The following ZFHX4 variants were observed in gnomAD, a reference collection of about 807,000 sequenced individuals.
The protein encoded by ZFHX4 is zinc finger homeobox protein 4.
Under a neutral mutation model 267.6 loss-of-function variants are expected in ZFHX4, and 56 were observed. The observed-to-expected ratio is 0.21, with a 90% confidence interval of 0.17 to 0.26. The LOEUF is 0.26. Ranked by LOEUF, ZFHX4 falls within the 10% of genes least tolerant of loss-of-function variation. ZFHX4 has a pLI of 1.00. For missense variants in ZFHX4, 4,332 were observed against 4,420.0 expected (o/e 0.98, Z 0.56); for synonymous variants, 1,778 against 1,665.6 (o/e 1.07, Z -1.64).
intron 4 of ZFHX4, among the ~76,000 whole-genome samples, chr8:76,779,774 G>C (rs796654755): frequency 2.6e-4 from 39 of 152,118 alleles, no homozygotes; most frequent in African/African-American, 9.4e-4. Context: ...TGCGTGCCAC[G>C]ATTTTTCTCT....
chr8:76,864,139 A>C lies in ZFHX4; in HGVS notation c.10425A>C (p.Thr3475=). The change falls in exon 11 of 11, where the codon ACA becomes ACC. Residue 3475 remains threonine, a synonymous_variant. Transcript: ENST00000651372. ...HLQSSLHKEK[T]IKQAMRNAKE... is the part of the protein sequence containing the mutation. ...AGTCAAGCTTGCACAAAGAGAAAAC[A>C]ATCAAACAAGCAATGAGAAATGCCA... 1 of 1,613,918 alleles carries C rather than the reference A, an allele frequency of 6.2e-7. No individual in the cohort carries two copies. The highest frequency in any genetic ancestry group is 8.5e-7 in the Non-Finnish European group (1 of 1,179,840).
intron 1 of ZFHX4, among the ~76,000 whole-genome samples, chr8:76,682,159 A>C (rs1807550966): frequency 6.6e-6 from 1 of 151,790 alleles, no homozygotes; most frequent in South Asian, 2.1e-4. Flanking sequence ...GGTCCTCCGC[A>C]CTCATCCTCT....
At chr8:76,700,301 A>G (rs1021149301) in intron 1 of ZFHX4, among the ~76,000 whole-genome samples, 5 of 152,128 alleles carry the variant, frequency 3.3e-5, no homozygotes, top group African/African-American at 7.2e-5. Context: ...AGCACTTAGC[A>G]GAGTGGCTAA....
chr8:76,692,954 C>T (rs1807861453), intron 1 of ZFHX4, among the ~76,000 whole-genome samples: 1 of 152,200 alleles, frequency 6.6e-6, no homozygotes, highest in South Asian at 2.1e-4. Context: ...TCATTTGAAG[C>T]ACATTTATTT....
In ZFHX4 at chr8:76,709,830, TGTAA is replaced by T. The variant is rs148685237; in HGVS notation, c.3093+1785_3093+1788del. 2.9e-3 allele frequency among the ~76,000 whole-genome samples: 432 copies of T among 150,904 alleles called. 1 individual carries two copies. Among genetic ancestry groups the T allele is most frequent in the African/African-American group, 0.01 (416 of 41,112 alleles). On this transcript the variant is annotated intron_variant, in intron 3 of 10. Coordinates refer to ENST00000651372, the MANE Select transcript of ZFHX4 (RefSeq NM_024721.5). ...GTGTGTGTGTGTGTGTGTGTGTGTG[TGTAA>T]GTTTATCCATTCATTCCATAAGCAG...
intron 1 of ZFHX4, among the ~76,000 whole-genome samples, chr8:76,692,032 G>A (rs1231466547): frequency 6.6e-6 from 1 of 152,054 alleles, no homozygotes; most frequent in Admixed American, 6.6e-5. Flanking sequence ...TACCTAAATG[G>A]CATCTAGGTT....
At chr8:76,717,254 C>T (rs367840363) in intron 3 of ZFHX4, among the ~76,000 whole-genome samples, 6 of 152,130 alleles carry the variant, frequency 3.9e-5, no homozygotes, top group South Asian at 2.1e-4. Context: ...TTACAAGACT[C>T]GAGGGATTTT....
chr8:76,738,106 A>T, intron 3 of ZFHX4, among the ~76,000 whole-genome samples: 1 of 152,136 alleles, frequency 6.6e-6, no homozygotes, highest in East Asian at 1.9e-4. Flanking sequence ...ATGTAGGAGG[A>T]AGGCTTTGTG....
At chr8:76,843,817 A>T (rs570807812) in intron 6 of ZFHX4, among the ~76,000 whole-genome samples, 83 of 152,244 alleles carry the variant, frequency 5.5e-4, no homozygotes, top group African/African-American at 1.9e-3. Flanking sequence ...TTAAACCTGA[A>T]TCATCCCACG....
intron 4 of ZFHX4, among the ~76,000 whole-genome samples, chr8:76,814,440 T>C (rs1811451903): frequency 6.6e-6 from 1 of 152,142 alleles, no homozygotes; most frequent in Non-Finnish European, 1.5e-5. Flanking sequence ...TTCATTAACC[T>C]GAGACCCATG....
In ZFHX4 at chr8:76,694,290, C is replaced by G. The variant is rs1391956724; in HGVS notation, c.-46-9753C>G. 2.0e-5 allele frequency among the ~76,000 whole-genome samples: 3 copies of G among 152,276 alleles called. No homozygotes were observed. The East Asian group carries it at 5.8e-4, about 29-fold the overall frequency. ...TCATAGTTTGGAAGGAAACTATTGC[C>G]TCTTTCTAATTGAAGAATACAATGA... On this transcript the variant is annotated intron_variant, in intron 1 of 10. Coordinates refer to ENST00000651372, the MANE Select transcript of ZFHX4 (RefSeq NM_024721.5).
chr8:76,734,366 G>A (rs1172371932), intron 3 of ZFHX4, among the ~76,000 whole-genome samples: 4 of 152,116 alleles, frequency 2.6e-5, no homozygotes, highest in Non-Finnish European at 2.9e-5. Context: ...ATTGTAATTT[G>A]TTGTTCATTA....
chr8:76,777,858 T>G (rs2131770857), intron 3 of ZFHX4, among the ~76,000 whole-genome samples: 1 of 149,492 alleles, frequency 6.7e-6, no homozygotes, highest in East Asian at 2.0e-4. Flanking sequence ...ATGAACTTGT[T>G]TTTTTTTTTG....
chr8:76,753,732 C>G (rs992505120), intron 3 of ZFHX4, among the ~76,000 whole-genome samples: 1 of 143,402 alleles, frequency 7.0e-6, no homozygotes, highest in African/African-American at 2.6e-5. Context: ...TCAAGCTATT[C>G]TCTCATCTCA....
intron 3 of ZFHX4, among the ~76,000 whole-genome samples, chr8:76,716,988 A>ACCTC (rs1247832520): frequency 6.6e-6 from 1 of 152,136 alleles, no homozygotes; most frequent in African/African-American, 2.4e-5. Flanking sequence ...GTAATGCACT[A>ACCTC]AATGGTACCC....
At chr8:76,719,533 G>A (rs1808665489) in intron 3 of ZFHX4, among the ~76,000 whole-genome samples, 1 of 151,858 alleles carries the variant, frequency 6.6e-6, no homozygotes, top group Non-Finnish European at 1.5e-5. Context: ...TTCTACAAAA[G>A]GCAAGTCCTG....
intron 4 of ZFHX4, among the ~76,000 whole-genome samples, chr8:76,797,930 G>A (rs894173965): frequency 1.3e-5 from 2 of 151,498 alleles, no homozygotes; most frequent in African/African-American, 4.9e-5. Context: ...CTGTGTGTCT[G>A]TGTGTATGTG....
rs753086673 is a variant in ZFHX4 at position 76,707,561 on chromosome 8, C to T, written c.2606C>T (p.Pro869Leu). The T allele has an allele frequency of 9.5e-5, 151 of 1,581,474 alleles. No homozygotes were observed. The highest frequency in any genetic ancestry group is 1.4e-4 in the Admixed American group (8 of 56,034). ...LAPGLVNNEL[P>L]PEIRLASGQL... ...TTTCCTGTAGTAAATAATGAGCTGC[C>T]GCCTGAAATCCGGCTTGCCAGTGGT... The change falls in exon 3 of 11, where the codon CCG becomes CTG. Residue 869 changes from proline (P) to leucine (L), a missense_variant. Pro to Leu is a moderately conservative substitution (Grantham distance 98). This residue lies in a region of ZFHX4 where 1,195 missense variants were observed against 1,173.6 expected (regional missense o/e 1.02). Coordinates refer to ENST00000651372, the MANE Select transcript of ZFHX4 (RefSeq NM_024721.5).
chr8:76,854,033 A>C lies in ZFHX4; in HGVS notation c.7112A>C (p.Asp2371Ala), dbSNP rs202233116. ...YKHCTVSGQT[D>A]AAKNAAAPAA... The stretch of plus-strand genomic sequence containing the variant: ...CATTGCACAGTGTCTGGCCAAACGG[A>C]TGCAGCTAAAAACGCTGCTGCCCCT... Residue 2371 changes from aspartate to alanine, a missense_variant, in exon 10 of 11, where the codon GAT becomes GCT. Asp to Ala is a moderately radical substitution (Grantham distance 126, BLOSUM62 -2). Around this residue, in one of 7 missense-constraint regions of ZFHX4, gnomAD observed 1,648 missense variants for 1,625.0 expected, o/e 1.01. Transcript: ENST00000651372. The C allele has an allele frequency of 5.0e-6, 8 of 1,613,806 alleles. No individual in the cohort carries two copies. In the South Asian group the frequency reaches 8.8e-5, roughly 18 times the overall value.
Sources: gnomAD v4.1 joint callset for allele counts (sites outside exome capture counted in the v4.1 genomes callset) on GRCh38, gnomAD v4.1.1 for gene constraint, gnomAD v4.1.1 regional missense constraint, MANE v1.5 for transcripts, NCBI Gene and HGNC (gene_info 2026-07-23, HGNC 2026-07-21) for gene names.